Variants in SLC9A8 observed in about 807,000 individuals in gnomAD.
SLC9A8 encodes the protein sodium/hydrogen exchanger 8.
In SLC9A8, 48 loss-of-function variants were observed where a neutral mutation model predicts 66.6. The ratio of observed to expected loss-of-function variants is 0.72; its 90% CI spans 0.57 to 0.92. The LOEUF (loss-of-function observed/expected upper bound fraction) is 0.92. Ranked by LOEUF, SLC9A8 falls within the 40% of genes least tolerant of loss-of-function variation. SLC9A8 has a pLI of 0.00. For synonymous variants in SLC9A8, 274 were observed against 282.6 expected (o/e 0.97, Z 0.31); for missense variants, 599 against 747.3 (o/e 0.80, Z 2.31).
At chr20:49,813,081 G>A (rs1313171328) in intron 1 of SLC9A8, 133 bp downstream of exon 1, 3 of 636,228 alleles carry the variant, frequency 4.7e-6, no homozygotes, top group Admixed American at 4.3e-5. Context: ...TGACCAAGCC[G>A]GTGCCTACGA....
intron 13 of SLC9A8, among the ~76,000 whole-genome samples, chr20:49,882,952 T>C (rs2146761740): frequency 6.6e-6 from 1 of 151,760 alleles, no homozygotes; most frequent in South Asian, 2.1e-4. Flanking sequence ...GATGTGAGCC[T>C]CCCCGCTTTC....
chr20:49,884,523 C>T (rs1333821588), intron 14 of SLC9A8, among the ~76,000 whole-genome samples: 1 of 152,118 alleles, frequency 6.6e-6, no homozygotes, highest in Admixed American at 6.5e-5. Context: ...ACAACCACAG[C>T]AGTGCCTCTG....
At chr20:49,851,793 G>T (rs1219491769) in intron 7 of SLC9A8, among the ~76,000 whole-genome samples, 1 of 152,196 alleles carries the variant, frequency 6.6e-6, no homozygotes, top group East Asian at 1.9e-4. Context: ...TTCCATGAGA[G>T]CTGGAAATAA....
At chr20:49,849,785 C>A in intron 6 of SLC9A8, 105 bp downstream of exon 6, 2 of 857,312 alleles carry the variant, frequency 2.3e-6, no homozygotes, top group South Asian at 1.4e-5. Flanking sequence ...CTGGGTTTCA[C>A]CCTTAAGGTA....
At position 49,891,255 on chromosome 20, in the gene SLC9A8, A is replaced by G. The variant is rs1326071621; in HGVS notation, c.*3319A>G. ...CCGCATTCCCTGCCGAGTGAGAGCCAGTGTTTGCTGCCCTTGCTGGGGGCG... is the reference window on the plus strand; with the variant it reads ...CCGCATTCCCTGCCGAGTGAGAGCCGGTGTTTGCTGCCCTTGCTGGGGGCG... On this transcript the variant is annotated 3_prime_UTR_variant, in exon 16 of 16. Transcript: ENST00000361573. 1 of 152,118 alleles carries G rather than the reference A, an allele frequency of 6.6e-6. No individual in the cohort carries two copies. 9.4% of individuals were successfully genotyped at this position (152,118 alleles called of 1,614,324 possible). A position where few individuals can be genotyped will look rare whatever the true frequency, so the allele number is the denominator to read the frequency against.
chr20:49,872,130 A>G (rs1372371063), intron 10 of SLC9A8, among the ~76,000 whole-genome samples: 1 of 152,188 alleles, frequency 6.6e-6, no homozygotes, highest in African/African-American at 2.4e-5. Context: ...AAAGGAAAAC[A>G]ACAACAAAAA....
intron 2 of SLC9A8, among the ~76,000 whole-genome samples, chr20:49,821,705 A>G (rs1042015140): frequency 1.3e-5 from 2 of 152,228 alleles, no homozygotes; most frequent in Admixed American, 6.5e-5. Flanking sequence ...AAAGAAAGAC[A>G]TGCACGCTAA....
intron 3 of SLC9A8, among the ~76,000 whole-genome samples, chr20:49,825,845 G>A (rs1156944437): frequency 3.3e-5 from 5 of 152,194 alleles, no homozygotes; most frequent in Non-Finnish European, 5.9e-5. Flanking sequence ...ACTCTGATCC[G>A]TTCTCAGACA....
intron 1 of SLC9A8, among the ~76,000 whole-genome samples, chr20:49,813,650 C>T (rs1263850013): frequency 3.9e-5 from 6 of 152,174 alleles, no homozygotes; most frequent in Non-Finnish European, 8.8e-5. Flanking sequence ...AAAATTGCAA[C>T]CTCTGGCATG....
At chr20:49,813,152 C>T (rs927719028) in intron 1 of SLC9A8, among the ~76,000 whole-genome samples, 10 of 152,236 alleles carry the variant, frequency 6.6e-5, no homozygotes, top group Admixed American at 6.5e-5. Flanking sequence ...GAGATCGGTC[C>T]CTCGAGCTGG....
Position 49,888,381 on chromosome 20 carries a change from G to A in SLC9A8, c.*445G>A, listed in dbSNP as rs2089968180. On this transcript the variant is annotated 3_prime_UTR_variant, in exon 16 of 16. Coordinates refer to ENST00000361573, the MANE Select transcript of SLC9A8 (RefSeq NM_015266.3). The stretch of plus-strand genomic sequence containing the variant: ...CCAGGGGTCAGCCACCTGCCTTTGA[G>A]TCATCAAGATGCCTCTGCAGCCACA... 1.2e-5 allele frequency: 2 copies of A among 172,674 alleles called. No individual in the cohort carries two copies. The highest frequency in any genetic ancestry group is 5.5e-5 in the Admixed American group (1 of 18,132). 10.7% of individuals were successfully genotyped at this position (172,674 alleles called of 1,614,324 possible).
chr20:49,873,958 C>T (rs910848124), intron 10 of SLC9A8, among the ~76,000 whole-genome samples: 6 of 151,626 alleles, frequency 4.0e-5, no homozygotes, highest in Non-Finnish European at 7.4e-5. Flanking sequence ...CTTATACAAA[C>T]GGTGCAGTTG....
chr20:49,856,124 G>C (rs943698193), intron 8 of SLC9A8, among the ~76,000 whole-genome samples: 12 of 152,152 alleles, frequency 7.9e-5, no homozygotes, highest in Admixed American at 7.9e-4. Flanking sequence ...CCTTTTAGTA[G>C]TGGTTTCTGA....
At chr20:49,823,443 T>C (rs2086813067) in intron 3 of SLC9A8, among the ~76,000 whole-genome samples, 1 of 152,204 alleles carries the variant, frequency 6.6e-6, no homozygotes, top group South Asian at 2.1e-4. Flanking sequence ...AACATTGACC[T>C]CTACTGCTAG....
At chr20:49,857,694 G>A (rs2088556003) in intron 8 of SLC9A8, among the ~76,000 whole-genome samples, 1 of 152,174 alleles carries the variant, frequency 6.6e-6, no homozygotes, top group Non-Finnish European at 1.5e-5. Context: ...TTCCAGCCCG[G>A]GCGTCAGAGT....
At chr20:49,822,742 A>G (rs1452663889) in intron 2 of SLC9A8, among the ~76,000 whole-genome samples, 1 of 152,232 alleles carries the variant, frequency 6.6e-6, no homozygotes, top group Non-Finnish European at 1.5e-5. Context: ...ACCCTAGATC[A>G]TACCACTGCA....
intron 11 of SLC9A8, among the ~76,000 whole-genome samples, chr20:49,876,984 A>G (rs753212594): frequency 1.3e-5 from 2 of 152,174 alleles, no homozygotes; most frequent in Non-Finnish European, 2.9e-5. Flanking sequence ...TTTGTGATCA[A>G]CTATTTTAAA....
Position 49,876,077 on chromosome 20 carries a change from C to T in SLC9A8, c.1075+1256C>T, listed in dbSNP as rs1036693094. Among the ~76,000 whole-genome samples, 7 of 152,194 alleles carry T rather than the reference C, an allele frequency of 4.6e-5. No homozygotes were observed. The East Asian group carries it at 7.7e-4, about 17-fold the overall frequency. On this transcript the variant is annotated intron_variant, in intron 11 of 15. Transcript: ENST00000361573. ...TTAATTGCTACTTCCACACTGTTAG[C>T]GTGCTAGGAGGCAAAGGCAACCCAG... is the stretch of plus-strand genomic sequence containing the variant.
chr20:49,848,036 C>T (rs967287458), intron 5 of SLC9A8, among the ~76,000 whole-genome samples: 1 of 150,924 alleles, frequency 6.6e-6, no homozygotes, highest in African/African-American at 2.4e-5. Context: ...AGCGATTCTC[C>T]TGCCTCAGCC....
Sources: allele counts gnomAD v4.1 joint callset (sites outside exome capture counted in the v4.1 genomes callset), GRCh38; gene constraint gnomAD v4.1.1; transcripts MANE v1.5; gene names NCBI Gene and HGNC (gene_info 2026-07-23, HGNC 2026-07-21).